The following ARMCX4 variants were observed in gnomAD, a reference collection of about 807,000 sequenced individuals.
ARMCX4 encodes the protein armadillo repeat-containing X-linked protein 4.
Under a neutral mutation model 34.7 loss-of-function variants are expected in ARMCX4, and 3 were observed. That is an observed-to-expected ratio of 0.09 (90% CI 0.04 to 0.22). The LOEUF is 0.22. Ranked by LOEUF, ARMCX4 falls within the 10% of genes least tolerant of loss-of-function variation. The pLI, the probability that ARMCX4 is intolerant of heterozygous loss-of-function variation, is 1.00. For missense variants in ARMCX4, 1,448 were observed against 1,720.8 expected, an observed-to-expected ratio of 0.84 and a Z score of 2.81; for synonymous variants, 513 against 632.8, an observed-to-expected ratio of 0.81 and a Z score of 2.84.
intron 2 of ARMCX4, among the ~76,000 whole-genome samples, chrX:101,440,874 C>T (rs2147561415): frequency 9.0e-6 from 1 of 111,452 alleles, no homozygotes; most frequent in Non-Finnish European, 1.9e-5. Flanking sequence ...CCGTCTGTCA[C>T]CCCTTTCTTT....
Position 101,494,948 on chromosome X carries a change from T to C in ARMCX4, c.6359T>C (p.Val2120Ala). The change falls in exon 6 of 6, where the codon GTT becomes GCT. Residue 2120 changes from valine to alanine, a missense_variant. Coordinates refer to ENST00000423738, the MANE Select transcript of ARMCX4 (RefSeq NM_001256155.3). ...GTGGCTGCTGAAAACCATAGGAAGGTTAAAACTTACTTAAACCAAGTATGT... is the reference window on the plus strand; with the variant it reads ...GTGGCTGCTGAAAACCATAGGAAGGCTAAAACTTACTTAAACCAAGTATGT... ...ISVAAENHRK[V>A]KTYLNQVCED... The C allele has an allele frequency of 8.7e-7, 1 of 1,155,352 alleles. No homozygotes were observed. The highest frequency in any genetic ancestry group is 1.8e-5 in the African/African-American group (1 of 56,336).
At position 101,493,269 on chromosome X, in the gene ARMCX4, T is replaced by C; in HGVS notation, c.4680T>C (p.Thr1560=). 3.5e-6 allele frequency: 4 copies of C among 1,155,543 alleles called. No individual in the cohort carries two copies. The highest frequency in any genetic ancestry group is 4.6e-6 in the Non-Finnish European group (4 of 872,739). ...GTCAGGTCAGTGGAAGCTGCTGGAC[T>C]GGGGCTGGGGCTGTGGATCAGGCTG... ...PGSQVSGSCW[T]GAGAVDQAGG... is the part of the protein sequence containing the mutation. Residue 1560 remains threonine, a synonymous_variant, in exon 6 of 6, where the codon ACT becomes ACC. Coordinates refer to ENST00000423738, the MANE Select transcript of ARMCX4 (RefSeq NM_001256155.3).
chrX:101,449,754 A>G (rs1391333968), downstream of ARMCX4, among the ~76,000 whole-genome samples: 1 of 111,200 alleles, frequency 9.0e-6, no homozygotes, highest in African/African-American at 3.3e-5. Flanking sequence ...GTTTCCCTAG[A>G]TGGTCTTGAT....
intron 4 of ARMCX4, among the ~76,000 whole-genome samples, chrX:101,471,955 G>C (rs1932926171): frequency 2.0e-5 from 2 of 100,716 alleles, no homozygotes; most frequent in Non-Finnish European, 4.0e-5. Context: ...AAGCTGGATG[G>C]AGAATGACTT....
chrX:101,447,630 A>C (rs1451421565), downstream of ARMCX4: 1 of 111,567 alleles, frequency 9.0e-6, no homozygotes, highest in African/African-American at 3.3e-5. Flanking sequence ...CCCAGCATTC[A>C]GTGTCTGCTA....
chrX:101,500,314 C>CT (rs1323635210), downstream of ARMCX4, among the ~76,000 whole-genome samples: 1 of 111,283 alleles, frequency 9.0e-6, no homozygotes, highest in African/African-American at 3.3e-5. Flanking sequence ...GGTACAAGCC[C>CT]TATAGTAGTT....
chrX:101,422,488 G>A (rs549941230), intron 2 of ARMCX4, among the ~76,000 whole-genome samples: 4 of 110,938 alleles, frequency 3.6e-5, no homozygotes, highest in African/African-American at 1.3e-4. Flanking sequence ...TCTGGGTGGT[G>A]TCAGCTGCTC....
Position 101,489,905 on chromosome X carries a change from A to G in ARMCX4, c.1316A>G (p.Asn439Ser), listed in dbSNP as rs1419518241. 5.2e-6 allele frequency: 6 copies of G among 1,154,779 alleles called. No homozygotes were observed. The highest frequency in any genetic ancestry group is 6.9e-6 in the Non-Finnish European group (6 of 872,864). ...KAGAKANLRA[N>S]SQVEALPDAR... Reference sequence around the variant, plus strand: ...GGGGCCAAGGCAAACTTGAGGGCCAATTCCCAGGTTGAGGCCTTGCCTGAT... The same window carrying G: ...GGGGCCAAGGCAAACTTGAGGGCCAGTTCCCAGGTTGAGGCCTTGCCTGAT... Residue 439 changes from asparagine to serine, a missense_variant, in exon 6 of 6, where the codon AAT becomes AGT. Around this residue, in one of 2 missense-constraint regions of ARMCX4, gnomAD observed 1,343 missense variants for 1,540.7 expected, o/e 0.87. Coordinates refer to ENST00000423738, the MANE Select transcript of ARMCX4 (RefSeq NM_001256155.3).
At chrX:101,460,475 G>T (rs1556001074) in intron 4 of ARMCX4, among the ~76,000 whole-genome samples, 1 of 111,672 alleles carries the variant, frequency 9.0e-6, no homozygotes, top group Non-Finnish European at 1.9e-5. Flanking sequence ...GAGATGTTAA[G>T]TAAATCAGGG....
In ARMCX4 at chrX:101,493,511, A is replaced by G. The variant is rs1165415323; in HGVS notation, c.4922A>G (p.Gln1641Arg). The change falls in exon 6 of 6, where the codon CAG becomes CGG. Residue 1641 changes from glutamine to arginine, a missense_variant. Coordinates refer to ENST00000423738, the MANE Select transcript of ARMCX4 (RefSeq NM_001256155.3). ...GGGTCCTGGGCTGGCACTGGGAATC[A>G]GTCCAGTGGAAGGTCCTGGATTGGG... ...SGGSWAGTGN[Q>R]SSGRSWIGPG... The G allele has an allele frequency of 2.6e-6, 3 of 1,152,870 alleles. No individual in the cohort carries two copies. Among genetic ancestry groups the G allele is most frequent in the Non-Finnish European group, 3.4e-6 (3 of 872,065 alleles).
At chrX:101,427,865 G>A (rs1222206202) in intron 2 of ARMCX4, among the ~76,000 whole-genome samples, 2 of 111,769 alleles carry the variant, frequency 1.8e-5, no homozygotes, top group Middle Eastern at 4.7e-3. Context: ...CCATGAGAAT[G>A]GCACCAAGCC....
chrX:101,432,722 G>GTA (rs782204864), intron 2 of ARMCX4, among the ~76,000 whole-genome samples: 14 of 91,245 alleles, frequency 1.5e-4, no homozygotes, highest in South Asian at 4.9e-4. Context: ...ATACATATAT[G>GTA]TATATACACA....
At chrX:101,440,290 C>T (rs782169667) in intron 2 of ARMCX4, among the ~76,000 whole-genome samples, 19 of 111,763 alleles carry the variant, frequency 1.7e-4, no homozygotes, top group African/African-American at 4.2e-4. Flanking sequence ...TGCAGAACAG[C>T]GGATATTGGT....
intron 11 of ARMCX4, among the ~76,000 whole-genome samples, chrX:101,529,186 T>TA (rs1226097317): frequency 1.8e-5 from 2 of 110,741 alleles, no homozygotes; most frequent in Non-Finnish European, 3.8e-5. Flanking sequence ...AACACACACA[T>TA]ACAACCATCT....
downstream of ARMCX4, among the ~76,000 whole-genome samples, chrX:101,496,250 G>T (rs1934174900): frequency 9.1e-6 from 1 of 110,456 alleles, no homozygotes; most frequent in Non-Finnish European, 1.9e-5. Flanking sequence ...AGACATCAAG[G>T]CCTTTTGTGA....
At chrX:101,438,261 G>A (rs782504509) in intron 2 of ARMCX4, among the ~76,000 whole-genome samples, 9 of 111,658 alleles carry the variant, frequency 8.1e-5, no homozygotes, top group Admixed American at 3.8e-4. Context: ...TGACAGTGGG[G>A]TGTTAAAGTC....
intron 2 of ARMCX4, among the ~76,000 whole-genome samples, chrX:101,486,810 C>G (rs1345059307): frequency 9.1e-6 from 1 of 109,846 alleles, no homozygotes; most frequent in Non-Finnish European, 1.9e-5. Context: ...GTCTGTAGTT[C>G]CTGCTACTTG....
At chrX:101,435,460 C>A (rs781828461) in intron 2 of ARMCX4, among the ~76,000 whole-genome samples, 5 of 111,422 alleles carry the variant, frequency 4.5e-5, no homozygotes, top group African/African-American at 1.6e-4. Context: ...CTGTTCATAT[C>A]CTTCGCCCAC....
At chrX:101,451,555 G>A (rs781846995), downstream of ARMCX4, among the ~76,000 whole-genome samples, 14 of 90,447 alleles carry the variant, frequency 1.5e-4, no homozygotes, top group African/African-American at 5.4e-4. Flanking sequence ...CTGATTTTTA[G>A]TTCTTTTGAA....
Sources: gnomAD v4.1 joint callset for allele counts (sites outside exome capture counted in the v4.1 genomes callset) on GRCh38, gnomAD v4.1.1 for gene constraint, gnomAD v4.1.1 regional missense constraint, MANE v1.5 for transcripts, NCBI Gene and HGNC (gene_info 2026-07-23, HGNC 2026-07-21) for gene names.